CGNL1: variants seen among roughly 807,000 people sequenced by gnomAD.
CGNL1 encodes cingulin like 1, also known as cingulin-like protein 1.
A neutral mutation model predicts 141.2 loss-of-function variants in CGNL1; 132 were observed. That is an observed-to-expected ratio of 0.93 (90% CI 0.81 to 1.08). CGNL1 has a LOEUF of 1.08. Among genes scored for constraint, CGNL1 ranks in the 50% least tolerant of loss-of-function variants. The pLI, the probability that CGNL1 is intolerant of heterozygous loss-of-function variation, is 0.00. For missense variants in CGNL1, 1,870 were observed against 1,588.6 expected, an observed-to-expected ratio of 1.18 and a Z score of -3.01; for synonymous variants, 690 against 622.1, an observed-to-expected ratio of 1.11 and a Z score of -1.63.
At chr15:57,479,646 G>A (rs1312346004) in intron 8 of CGNL1, among the ~76,000 whole-genome samples, 1 of 152,110 alleles carries the variant, frequency 6.6e-6, no homozygotes, top group Non-Finnish European at 1.5e-5. Context: ...CCTGGGTGAT[G>A]GAATGAGACT....
chr15:57,522,226 G>A (rs746960415), intron 10 of CGNL1, among the ~76,000 whole-genome samples: 5 of 152,146 alleles, frequency 3.3e-5, no homozygotes, highest in Admixed American at 6.5e-5. Flanking sequence ...GGTCGGCCAC[G>A]TTGGCTGCTT....
At chr15:57,513,255 T>G (rs796324836) in intron 8 of CGNL1, among the ~76,000 whole-genome samples, 61 of 108,612 alleles carry the variant, frequency 5.6e-4, no homozygotes, top group African/African-American at 1.8e-3. Flanking sequence ...TCAATATGGG[T>G]GTGTGTGTGT....
chr15:57,384,487 C>T (rs1175144680), intron 1 of CGNL1, among the ~76,000 whole-genome samples: 2 of 152,182 alleles, frequency 1.3e-5, no homozygotes, highest in African/African-American at 4.8e-5. Context: ...CGGCTCTGAG[C>T]TATGCTAACA....
intron 8 of CGNL1, among the ~76,000 whole-genome samples, chr15:57,477,292 C>G (rs2063668962): frequency 6.6e-6 from 1 of 152,144 alleles, no homozygotes; most frequent in South Asian, 2.1e-4. Flanking sequence ...CTTGTTTTTT[C>G]CATCCCTGAA....
Position 57,462,918 on chromosome 15 carries a change from C to T in CGNL1, c.2403+1026C>T, listed in dbSNP as rs114225493. 2.3e-3 allele frequency among the ~76,000 whole-genome samples: 354 copies of T among 152,116 alleles called. 2 individuals carry two copies. The highest frequency in any genetic ancestry group is 8.2e-3 in the African/African-American group (339 of 41,500). ...TGAATTTGAGGGAGAAAAGCGAAAC[C>T]GATTTAATTTTTATTGCTTTGAGGG... On this transcript the variant is annotated intron_variant, in intron 8 of 18. Coordinates refer to ENST00000281282, the MANE Select transcript of CGNL1 (RefSeq NM_032866.5).
intron 4 of CGNL1, among the ~76,000 whole-genome samples, chr15:57,446,562 G>A (rs2063254598): frequency 6.6e-6 from 1 of 151,068 alleles, no homozygotes; most frequent in Admixed American, 6.6e-5. Context: ...TAGCTATTTT[G>A]TATTGAAATG....
At chr15:57,427,606 T>C (rs1162454789) in intron 1 of CGNL1, among the ~76,000 whole-genome samples, 1 of 152,272 alleles carries the variant, frequency 6.6e-6, no homozygotes, top group African/African-American at 2.4e-5. Flanking sequence ...TTTTCCCTGA[T>C]TGGATCTGTT....
At chr15:57,508,617 C>T (rs1285905342) in intron 8 of CGNL1, among the ~76,000 whole-genome samples, 4 of 152,234 alleles carry the variant, frequency 2.6e-5, no homozygotes, top group Non-Finnish European at 5.9e-5. Context: ...CAGTAGCGCA[C>T]AAGCGGCCTA....
At chr15:57,386,297 G>T (rs2062482234) in intron 1 of CGNL1, among the ~76,000 whole-genome samples, 1 of 152,152 alleles carries the variant, frequency 6.6e-6, no homozygotes. Context: ...CTGTTAAAGG[G>T]CAGATAGGTA....
rs887182004 is a variant in CGNL1 at position 57,547,626 on chromosome 15, G to C, written c.*136G>C. Reference sequence around the variant, plus strand: ...CTTTGCACAGCATGCCAGCTCCTCAGTGTTACATTCCTCGCCAGGGTCTCT... The same window carrying C: ...CTTTGCACAGCATGCCAGCTCCTCACTGTTACATTCCTCGCCAGGGTCTCT... On this transcript the variant is annotated 3_prime_UTR_variant, in exon 19 of 19. Coordinates refer to ENST00000281282, the MANE Select transcript of CGNL1 (RefSeq NM_032866.5). 3 of 1,011,874 alleles carry C rather than the reference G, an allele frequency of 3.0e-6. No homozygotes were observed. The highest frequency in any genetic ancestry group is 4.3e-6 in the Non-Finnish European group (3 of 696,096). 62.7% of individuals were successfully genotyped at this position (1,011,874 alleles called of 1,614,324 possible). A position where few individuals can be genotyped will look rare whatever the true frequency, so the allele number is the denominator to read the frequency against.
chr15:57,547,409 C>T lies in CGNL1; in HGVS notation c.3828C>T (p.Leu1276=). 2 of 1,614,222 alleles carry T rather than the reference C, an allele frequency of 1.2e-6. No homozygotes were observed. The highest frequency in any genetic ancestry group is 2.2e-5 in the South Asian group (2 of 91,072). Residue 1276 remains leucine (L), a synonymous_variant, in exon 19 of 19, where the codon CTC becomes CTT. Transcript: ENST00000281282. ...ATGACATGGATGACGACGATGACCT[C>T]AGCACGGATGGGGGAAGCCTCTATG... ...VLDDMDDDDD[L]STDGGSLYEA... is the part of the protein sequence containing the mutation.
At chr15:57,394,970 T>G (rs142106137) in intron 1 of CGNL1, among the ~76,000 whole-genome samples, 9,502 of 152,072 alleles carry the variant, frequency 0.062, 532 homozygotes, top group African/African-American at 0.15. Flanking sequence ...AAATTAGCTG[T>G]GCATGGTGGC....
intron 1 of CGNL1, among the ~76,000 whole-genome samples, chr15:57,394,557 ATTTC>A (rs2062581934): frequency 1.3e-5 from 2 of 152,128 alleles, no homozygotes; most frequent in Admixed American, 1.3e-4. Flanking sequence ...GCAGTTTGCT[ATTTC>A]TTATTTAAAG....
intron 4 of CGNL1, among the ~76,000 whole-genome samples, chr15:57,448,380 G>A (rs1375763207): frequency 6.6e-6 from 1 of 152,154 alleles, no homozygotes; most frequent in Non-Finnish European, 1.5e-5. Flanking sequence ...CAGGCATGGT[G>A]GTTCATGCCT....
intron 8 of CGNL1, among the ~76,000 whole-genome samples, chr15:57,483,183 G>T (rs2063747463): frequency 6.6e-6 from 1 of 152,160 alleles, no homozygotes. Context: ...GAGTATTCCA[G>T]TCCATGAACA....
chr15:57,436,391 A>G (rs928575534), intron 1 of CGNL1, among the ~76,000 whole-genome samples: 1 of 152,256 alleles, frequency 6.6e-6, no homozygotes, highest in Non-Finnish European at 1.5e-5. Flanking sequence ...ATGCTGGATC[A>G]GCTATCTTGT....
At chr15:57,531,611 G>T (rs1186811620) in intron 13 of CGNL1, 79 bp from the exon 14 acceptor site, 1 of 895,234 alleles carries the variant, frequency 1.1e-6, no homozygotes, top group African/African-American at 1.7e-5. Flanking sequence ...CCTTAGGATT[G>T]TTTCTCTGTG....
At chr15:57,396,034 C>T (rs971178743) in intron 1 of CGNL1, among the ~76,000 whole-genome samples, 8 of 152,136 alleles carry the variant, frequency 5.3e-5, no homozygotes, top group African/African-American at 1.4e-4. Flanking sequence ...ACAGTATGTA[C>T]TCTTTGTATT....
chr15:57,479,974 G>A (rs185969775), intron 8 of CGNL1, among the ~76,000 whole-genome samples: 1 of 152,310 alleles, frequency 6.6e-6, no homozygotes, highest in Non-Finnish European at 1.5e-5. Flanking sequence ...GAAGCCGTGA[G>A]CTACATATTA....
Sources: gnomAD v4.1 joint callset for allele counts (sites outside exome capture counted in the v4.1 genomes callset) on GRCh38, gnomAD v4.1.1 for gene constraint, MANE v1.5 for transcripts, NCBI Gene and HGNC (gene_info 2026-07-23, HGNC 2026-07-21) for gene names.